Variants in MTMR9 observed in about 807,000 individuals in gnomAD.
The protein encoded by MTMR9 is myotubularin related protein 9.
MTMR9 carries 39 observed loss-of-function variants against 69.5 expected under a neutral mutation model. The observed-to-expected ratio is 0.56, with a 90% CI of 0.43 to 0.73. MTMR9 has a LOEUF of 0.73. Among genes scored for constraint, MTMR9 ranks in the 30% least tolerant of loss-of-function variants. The pLI is 0.00. For synonymous variants in MTMR9, 354 were observed against 240.8 expected (o/e 1.47, Z -4.35); for missense variants, 900 against 671.2 (o/e 1.34, Z -3.77).
chr8:11,330,210 C>T (rs1457826199), downstream of MTMR9, among the ~76,000 whole-genome samples: 4 of 150,968 alleles, frequency 2.6e-5, no homozygotes, highest in African/African-American at 7.3e-5. Context: ...GGGGGTCAGC[C>T]GCGGCCTGGC....
Position 11,306,318 on chromosome 8 carries a change from C to G in MTMR9, c.720C>G (p.Asn240Lys). The G allele has an allele frequency of 6.2e-7, 1 of 1,614,030 alleles. No individual in the cohort carries two copies. The highest frequency in any genetic ancestry group is 8.5e-7 in the Non-Finnish European group (1 of 1,179,954). ...ACATCATTGACACCCGATCCCTGAA[C>G]GTGGCTCAGCAAACTAGAGCCAAAG... Reference protein sequence around the residue: ...RGYIIDTRSLNVAQQTRAKGG... With the variant: ...RGYIIDTRSLKVAQQTRAKGG... The change falls in exon 5 of 10, where the codon AAC becomes AAG. Residue 240 changes from asparagine (N) to lysine (K), a missense_variant. Transcript: ENST00000221086.
Position 11,319,867 on chromosome 8 carries a change from T to G in MTMR9, c.1486+29T>G, listed in dbSNP as rs753871849. ...AACCACGCATCCTTTGCAAACTTCTTAACGGTCAGGTGTGCATGCGGCTGC... is the reference window on the plus strand; with the variant it reads ...AACCACGCATCCTTTGCAAACTTCTGAACGGTCAGGTGTGCATGCGGCTGC... On this transcript the variant is annotated intron_variant, in intron 9 of 9. Transcript: ENST00000221086. 6 of 1,612,220 alleles carry G rather than the reference T, an allele frequency of 3.7e-6. No individual in the cohort carries two copies. In the East Asian group the frequency reaches 1.1e-4, roughly 30 times the overall value.
chr8:11,285,423 A>AGTT lies in MTMR9; in HGVS notation c.182+355_182+356insTGT, dbSNP rs565664757. On this transcript the variant is annotated intron_variant, in intron 1 of 9. Transcript: ENST00000221086. ...TGGTATTGTCAGTCACCGTTCATGA[A>AGTT]GTGATTGGATGTGATTTAGGTAAAG... is the stretch of plus-strand genomic sequence containing the variant. The AGTT allele has an allele frequency of 1.2e-3, 227 of 190,892 alleles. 1 individual carries two copies. The highest frequency in any genetic ancestry group is 4.7e-3 in the African/African-American group (203 of 42,946). The allele number at this position is 190,892 out of a possible 1,614,324, so 11.8% of individuals were successfully genotyped here.
At chr8:11,333,232 CAAAG>C in the MTMR9 span, among the ~76,000 whole-genome samples, 1 of 152,140 alleles carries the variant, frequency 6.6e-6, no homozygotes, top group African/African-American at 2.4e-5. Flanking sequence ...TCAAAAATCA[CAAAG>C]AATCTTGAAA....
rs573858609 is a variant in MTMR9 at position 11,312,143 on chromosome 8, C to G, written c.971+2455C>G. On this transcript the variant is annotated intron_variant, in intron 6 of 9. Coordinates refer to ENST00000221086, the MANE Select transcript of MTMR9 (RefSeq NM_015458.4). ...CACCGCAGCCTAGAACTCCTGGGCT[C>G]AAATGATTCTCCCACCTCAGCCTCC... 2.8e-3 allele frequency among the ~76,000 whole-genome samples: 428 copies of G among 152,144 alleles called. 3 individuals carry two copies. The highest frequency in any genetic ancestry group is 1.0e-2 in the African/African-American group (414 of 41,516).
Position 11,306,237 on chromosome 8 carries a change from G to A in MTMR9, c.639G>A (p.Arg213=), listed in dbSNP as rs1319848147. The A allele has an allele frequency of 6.2e-7, 1 of 1,613,658 alleles. No individual in the cohort carries two copies. The highest frequency in any genetic ancestry group is 8.5e-7 in the Non-Finnish European group (1 of 1,179,936). ...GQPLTGTNGR[R]CKEDEKLINA... ...CACTCACTGGTACAAACGGGAGGAG[G>A]TGCAAGGAGGACGAGAAGCTGATAA... is the stretch of plus-strand genomic sequence containing the variant. Residue 213 remains arginine (R), a synonymous_variant, in exon 5 of 10, where the codon AGG becomes AGA. Transcript: ENST00000221086.
chr8:11,327,671 A>C lies in MTMR9; in HGVS notation c.*4883A>C, dbSNP rs1253860336. 6.6e-6 allele frequency: 1 copy of C among 152,640 alleles called. No individual in the cohort carries two copies. The highest frequency in any genetic ancestry group is 1.5e-5 in the Non-Finnish European group (1 of 68,036). The allele number at this position is 152,640 out of a possible 1,614,324, so 9.5% of individuals were successfully genotyped here. On this transcript the variant is annotated 3_prime_UTR_variant, in exon 10 of 10. Coordinates refer to ENST00000221086, the MANE Select transcript of MTMR9 (RefSeq NM_015458.4). The stretch of plus-strand genomic sequence containing the variant: ...GGATTGTTCTCTTGATAATATTTGA[A>C]TGTGACTCTTGGATTTAAGTGCACT...
At chr8:11,313,578 A>C (rs6985460) in intron 6 of MTMR9, among the ~76,000 whole-genome samples, 55,815 of 152,020 alleles carry the variant, frequency 0.37, 11,456 homozygotes, top group East Asian at 0.71. Flanking sequence ...CTTTCATTTG[A>C]ACACTTACAG....
chr8:11,285,948 C>CTTTTTTTTTT lies in MTMR9; in HGVS notation c.182+891_182+900dup, dbSNP rs755153057. On this transcript the variant is annotated intron_variant, in intron 1 of 9. Coordinates refer to ENST00000221086, the MANE Select transcript of MTMR9 (RefSeq NM_015458.4). ...AAAATAATAATCTCTTTCTTTCTTT[C>CTTTTTTTTTT]TTTTTTTTTTTTTTTTTTTTTTGGA... 2.7e-4 allele frequency among the ~76,000 whole-genome samples: 29 copies of CTTTTTTTTTT among 107,112 alleles called. 1 individual carries two copies. Among genetic ancestry groups the CTTTTTTTTTT allele is most frequent in the African/African-American group, 5.3e-4 (14 of 26,262 alleles). The allele number at this position is 107,112 out of a possible 152,430, so 70.3% of individuals were successfully genotyped here. A position where few individuals can be genotyped will look rare whatever the true frequency, so the allele number is the denominator to read the frequency against.
intron 5 of MTMR9, among the ~76,000 whole-genome samples, chr8:11,308,992 T>C (rs545371410): frequency 1.8e-4 from 28 of 152,216 alleles, no homozygotes; most frequent in African/African-American, 6.8e-4. Flanking sequence ...TCAAAGACTT[T>C]AGAGATTTAA....
chr8:11,305,562 T>C (rs1799908145), intron 4 of MTMR9, among the ~76,000 whole-genome samples: 1 of 152,222 alleles, frequency 6.6e-6, no homozygotes. Flanking sequence ...GAGATTAGTA[T>C]AATAGACATT....
At position 11,323,044 on chromosome 8, in the gene MTMR9, T is replaced by C. The variant is rs1800767485; in HGVS notation, c.*256T>C. 3.5e-6 allele frequency: 1 copy of C among 289,632 alleles called. No homozygotes were observed. Among genetic ancestry groups the C allele is most frequent in the Non-Finnish European group, 6.4e-6 (1 of 156,866 alleles). The allele number at this position is 289,632 out of a possible 1,614,324, so 17.9% of individuals were successfully genotyped here. On this transcript the variant is annotated 3_prime_UTR_variant, in exon 10 of 10. Coordinates refer to ENST00000221086, the MANE Select transcript of MTMR9 (RefSeq NM_015458.4). Reference sequence around the variant, plus strand: ...CTAGTCATTTTATTTTTACGTGAAATAGATGACCTATTTAATGCCATTTGT... The same window carrying C: ...CTAGTCATTTTATTTTTACGTGAAACAGATGACCTATTTAATGCCATTTGT...
chr8:11,301,599 G>A (rs1799751080), intron 3 of MTMR9, among the ~76,000 whole-genome samples: 1 of 152,142 alleles, frequency 6.6e-6, no homozygotes, highest in African/African-American at 2.4e-5. Context: ...GTTAGACAGA[G>A]ATTTTTTAGA....
intron 6 of MTMR9, among the ~76,000 whole-genome samples, chr8:11,311,608 T>C (rs1161163195): frequency 6.6e-6 from 1 of 152,256 alleles, no homozygotes. Flanking sequence ...TTTGAGGTTA[T>C]TGGCCCTGGT....
intron 1 of MTMR9, among the ~76,000 whole-genome samples, chr8:11,293,142 G>A (rs1799425895): frequency 6.6e-6 from 1 of 152,214 alleles, no homozygotes. Flanking sequence ...GGGGCAAGAT[G>A]TGGAGATGGA....
At chr8:11,329,783 G>T (rs1018944724), downstream of MTMR9, among the ~76,000 whole-genome samples, 2 of 151,752 alleles carry the variant, frequency 1.3e-5, no homozygotes, top group Admixed American at 6.6e-5. Flanking sequence ...CCATCGTCTG[G>T]GATGTGAGGA....
At chr8:11,302,516 A>C (rs762631965) in intron 3 of MTMR9, among the ~76,000 whole-genome samples, 1 of 152,186 alleles carries the variant, frequency 6.6e-6, no homozygotes, top group Non-Finnish European at 1.5e-5. Flanking sequence ...TTAGATTAAC[A>C]GAGGAAAAAA....
chr8:11,299,355 T>C (rs60937419), intron 2 of MTMR9, among the ~76,000 whole-genome samples: 132 of 152,290 alleles, frequency 8.7e-4, no homozygotes, highest in African/African-American at 2.9e-3. Context: ...CTTTAGATTT[T>C]ATTATGTGCC....
At chr8:11,338,688 G>C in the MTMR9 span, among the ~76,000 whole-genome samples, 12 of 152,282 alleles carry the variant, frequency 7.9e-5, no homozygotes, top group East Asian at 1.9e-3. Context: ...GAATGGGTGA[G>C]TTGAAGGCTG....
Sources: allele counts gnomAD v4.1 joint callset (sites outside exome capture counted in the v4.1 genomes callset), GRCh38; gene constraint gnomAD v4.1.1; transcripts MANE v1.5; gene names NCBI Gene and HGNC (gene_info 2026-07-23, HGNC 2026-07-21).